Variants in MAP2K1 observed in about 807,000 individuals in gnomAD.
MAP2K1 encodes mitogen-activated protein kinase kinase 1, also known as dual specificity mitogen-activated protein kinase kinase 1.
In MAP2K1, 16 loss-of-function variants were observed where a neutral mutation model predicts 46.3. The observed-to-expected ratio is 0.35, with a 90% confidence interval of 0.23 to 0.52. The LOEUF is 0.52. Among genes scored for constraint, MAP2K1 ranks in the 20% least tolerant of loss-of-function variants. The pLI, the probability that MAP2K1 is intolerant of heterozygous loss-of-function variation, is 0.94. For synonymous variants in MAP2K1, 183 were observed against 185.6 expected, an observed-to-expected ratio of 0.99 and a Z score of 0.11; for missense variants, 263 against 497.1, an observed-to-expected ratio of 0.53 and a Z score of 4.48.
At chr15:66,436,705 C>CT in intron 2 of MAP2K1, 41 bp from the exon 3 acceptor site, 1 of 1,601,076 alleles carries the variant, frequency 6.2e-7, no homozygotes. Context: ...CTTCCTCCCT[C>CT]TTTCTTTCAT....
At chr15:66,390,613 T>C (rs12899337) in intron 1 of MAP2K1, among the ~76,000 whole-genome samples, 8,562 of 152,248 alleles carry the variant, frequency 0.056, 345 homozygotes, top group Middle Eastern at 0.11. Context: ...AGCTTTCTTT[T>C]GTGTATTTTG....
intron 5 of MAP2K1, among the ~76,000 whole-genome samples, chr15:66,462,603 G>A (rs1723938330): frequency 6.7e-6 from 1 of 148,532 alleles, no homozygotes. Context: ...AGATTTTTCT[G>A]AAAAAAAAAA....
At chr15:66,398,493 A>G (rs1307464700) in intron 1 of MAP2K1, among the ~76,000 whole-genome samples, 1 of 151,826 alleles carries the variant, frequency 6.6e-6, no homozygotes, top group Non-Finnish European at 1.5e-5. Context: ...TACAGATCAA[A>G]TGTACTGCAT....
At chr15:66,397,515 A>G (rs750174674) in intron 1 of MAP2K1, among the ~76,000 whole-genome samples, 7 of 152,200 alleles carry the variant, frequency 4.6e-5, no homozygotes, top group Admixed American at 2.0e-4. Flanking sequence ...ATGCTATGCA[A>G]ATGGATGTGT....
chr15:66,477,598 A>C (rs999747135), intron 5 of MAP2K1, among the ~76,000 whole-genome samples: 5 of 152,372 alleles, frequency 3.3e-5, no homozygotes, highest in Middle Eastern at 3.4e-3. Context: ...TCACGGCTGC[A>C]TGTAGAGTAA....
At chr15:66,487,439 G>T in intron 8 of MAP2K1, 147 bp downstream of exon 8, 1 of 763,310 alleles carries the variant, frequency 1.3e-6, no homozygotes, top group Non-Finnish European at 2.3e-6. Flanking sequence ...AGGAGTTCGA[G>T]ACCAGCCTGG....
At chr15:66,481,984 A>G in intron 6 of MAP2K1, 105 bp downstream of exon 6, 1 of 1,393,176 alleles carries the variant, frequency 7.2e-7, no homozygotes, top group Non-Finnish European at 9.9e-7. Context: ...GGTAGGGGAC[A>G]AGAAGTGAGG....
Position 66,473,602 on chromosome 15 carries a change from C to A in MAP2K1, c.569-8153C>A, listed in dbSNP as rs573195067. Among the ~76,000 whole-genome samples the A allele has an allele frequency of 5.3e-5, 8 of 152,212 alleles. No individual in the cohort carries two copies. In the South Asian group the frequency reaches 1.7e-3, roughly 32 times the overall value. ...CTCTTCTTTCCTTTCTTTTATTATA[C>A]CTCTCTTCTCTCTGTACCCCCTATA... On this transcript the variant is annotated intron_variant, in intron 5 of 10. Coordinates refer to ENST00000307102, the MANE Select transcript of MAP2K1 (RefSeq NM_002755.4).
chr15:66,394,407 T>G (rs1471769625), intron 1 of MAP2K1, among the ~76,000 whole-genome samples: 1 of 152,104 alleles, frequency 6.6e-6, no homozygotes, highest in Non-Finnish European at 1.5e-5. Context: ...ATGTGCTTTT[T>G]TTTGTCTCTT....
intron 5 of MAP2K1, among the ~76,000 whole-genome samples, chr15:66,456,188 C>T (rs1448091865): frequency 3.9e-5 from 6 of 152,150 alleles, no homozygotes; most frequent in African/African-American, 1.2e-4. Flanking sequence ...AAAGTTGGCT[C>T]ATAAATGAAT....
At chr15:66,484,842 G>T (rs73471746) in intron 6 of MAP2K1, 148 bp from the exon 7 acceptor site, 30 of 768,618 alleles carry the variant, frequency 3.9e-5, no homozygotes, top group Middle Eastern at 3.6e-4. Flanking sequence ...CACAGTGTTG[G>T]GGGTAGGCAG....
chr15:66,413,768 A>G (rs544960509), intron 1 of MAP2K1, among the ~76,000 whole-genome samples: 2 of 152,324 alleles, frequency 1.3e-5, no homozygotes, highest in African/African-American at 4.8e-5. Flanking sequence ...CTGGTGTGTG[A>G]TACAGCACAG....
chr15:66,454,154 C>T (rs908150765), intron 5 of MAP2K1, among the ~76,000 whole-genome samples: 3 of 152,162 alleles, frequency 2.0e-5, no homozygotes, highest in East Asian at 3.8e-4. Context: ...ACTTAAGTAC[C>T]CTTTAAGCCT....
At position 66,415,053 on chromosome 15, in the gene MAP2K1, G is replaced by T. The variant is rs562250146; in HGVS notation, c.81-19974G>T. The stretch of plus-strand genomic sequence containing the variant: ...AGATGCTCCCCTTCTTCATGTCAAT[G>T]CACTGCTTGTAGTACCAGTAATAAC... On this transcript the variant is annotated intron_variant, in intron 1 of 10. Transcript: ENST00000307102. The T allele has an allele frequency of 1.6e-4, 80 of 500,330 alleles. No homozygotes were observed. In the East Asian group the frequency reaches 3.8e-3, roughly 24 times the overall value. 31.0% of individuals were successfully genotyped at this position (500,330 alleles called of 1,614,324 possible). A position where few individuals can be genotyped will look rare whatever the true frequency, so the allele number is the denominator to read the frequency against.
intron 5 of MAP2K1, among the ~76,000 whole-genome samples, chr15:66,477,826 G>A (rs11638268): frequency 0.18 from 27,250 of 152,068 alleles, 3,111 homozygotes; most frequent in Middle Eastern, 0.29. Context: ...TTGGTGTGCC[G>A]CCCCAGCAGG....
chr15:66,465,115 C>T (rs1892429207), intron 5 of MAP2K1, among the ~76,000 whole-genome samples: 1 of 151,898 alleles, frequency 6.6e-6, no homozygotes, highest in African/African-American at 2.4e-5. Context: ...ATCCCAGCTA[C>T]TTGGGAGGCT....
intron 5 of MAP2K1, among the ~76,000 whole-genome samples, chr15:66,465,668 CAA>C (rs2140640377): frequency 6.6e-6 from 1 of 152,188 alleles, no homozygotes; most frequent in Admixed American, 6.5e-5. Context: ...GCCTGGGCAA[CAA>C]GAGCGAAACT....
intron 5 of MAP2K1, among the ~76,000 whole-genome samples, chr15:66,459,896 T>C (rs1892274034): frequency 6.6e-6 from 1 of 152,248 alleles, no homozygotes; most frequent in African/African-American, 2.4e-5. Context: ...TGCAAGGAAC[T>C]ATGCTGCCTC....
At chr15:66,442,952 G>A (rs1024896728) in intron 3 of MAP2K1, among the ~76,000 whole-genome samples, 12 of 152,126 alleles carry the variant, frequency 7.9e-5, no homozygotes, top group African/African-American at 2.9e-4. Context: ...GAGACACATA[G>A]GACAAGGTAT....
Sources: gnomAD v4.1 joint callset for allele counts (sites outside exome capture counted in the v4.1 genomes callset) on GRCh38, gnomAD v4.1.1 for gene constraint, MANE v1.5 for transcripts, NCBI Gene and HGNC (gene_info 2026-07-23, HGNC 2026-07-21) for gene names.